GALNT9: variants seen among roughly 807,000 people sequenced by gnomAD.
The protein encoded by GALNT9 is GalNAc transferase 9.
Under a neutral mutation model 63.1 loss-of-function variants are expected in GALNT9, and 47 were observed. The observed-to-expected ratio is 0.75, with a 90% CI of 0.59 to 0.95. GALNT9 has a LOEUF of 0.95. Among genes scored for constraint, GALNT9 ranks in the 40% least tolerant of loss-of-function variants. The pLI, the probability that GALNT9 is intolerant of heterozygous loss-of-function variation, is 0.00. For synonymous variants in GALNT9, 396 were observed against 365.7 expected (o/e 1.08, Z -0.94); for missense variants, 829 against 874.8 (o/e 0.95, Z 0.66).
rs185669627 is a variant in GALNT9 at position 132,313,060 on chromosome 12, C to T, written c.238+15906G>A. On this transcript the variant is annotated intron_variant, in intron 1 of 10. Coordinates refer to ENST00000328957, the MANE Select transcript of GALNT9 (RefSeq NM_001122636.2). ...TATTCACCCTCCACTCATCTACCCA[C>T]CCATCCATCCACCCACTCACCCACC... Among the ~76,000 whole-genome samples the T allele has an allele frequency of 1.2e-3, 189 of 152,004 alleles. 1 individual carries two copies. The highest frequency in any genetic ancestry group is 5.8e-4 in the East Asian group (3 of 5,162).
rs1159768689 is a variant in GALNT9, at chr12:132,252,329, C to G, written c.960-4302G>C. 6.6e-6 allele frequency among the ~76,000 whole-genome samples: 1 copy of G among 152,254 alleles called. No homozygotes were observed. The highest frequency in any genetic ancestry group is 1.5e-5 in the Non-Finnish European group (1 of 68,042). ...AGCCGCATCCCCGCCACGACTGAAG[C>G]CTTCGTGTCTTGCGGACGCCGACAC... On this transcript the variant is annotated intron_variant, in intron 5 of 10. Coordinates refer to ENST00000328957, the MANE Select transcript of GALNT9 (RefSeq NM_001122636.2). This position sits in a 1 kb window ranked among gnomAD's most constrained non-coding sequence, Gnocchi z 5.2.
intron 10 of GALNT9, 118 bp downstream of exon 10, chr12:132,197,674 A>T: frequency 1.3e-6 from 1 of 769,030 alleles, no homozygotes; most frequent in Non-Finnish European, 2.1e-6. Flanking sequence ...TCCCCTGACC[A>T]CCCCCTGCCG....
At chr12:132,235,385 T>G (rs1433344724) in intron 6 of GALNT9, among the ~76,000 whole-genome samples, 1 of 152,086 alleles carries the variant, frequency 6.6e-6, no homozygotes, top group Non-Finnish European at 1.5e-5. Flanking sequence ...GAGCCAAGAT[T>G]TGAACCCAGG....
chr12:132,271,672 T>C (rs761699150), intron 2 of GALNT9, among the ~76,000 whole-genome samples: 14 of 152,198 alleles, frequency 9.2e-5, no homozygotes, highest in Admixed American at 3.9e-4. Flanking sequence ...CTTGCCGTGA[T>C]GCTCCGGCAT....
chr12:132,268,704 A>T (rs181913836), intron 2 of GALNT9, among the ~76,000 whole-genome samples: 1 of 152,214 alleles, frequency 6.6e-6, no homozygotes, highest in Non-Finnish European at 1.5e-5. Context: ...AAAATGTCCA[A>T]TGAAAACTGG....
At chr12:132,267,081 GGTGGCAT>G (rs1487257750) in intron 2 of GALNT9, among the ~76,000 whole-genome samples, 1 of 152,222 alleles carries the variant, frequency 6.6e-6, no homozygotes. Context: ...GCAGTGAGGA[GGTGGCAT>G]GTGGGCGCAG....
chr12:132,255,860 T>G (rs28517330), intron 5 of GALNT9, among the ~76,000 whole-genome samples: 144,837 of 152,198 alleles, frequency 0.95, 69,015 homozygotes, highest in Non-Finnish European at 0.97. Context: ...CTTTGCGATC[T>G]TCACGCTGGG....
At chr12:132,240,868 C>T (rs2136899864) in intron 6 of GALNT9, 13 of 381,838 alleles carry the variant, frequency 3.4e-5, no homozygotes, top group Middle Eastern at 7.8e-4. Flanking sequence ...TTCCCAGGGC[C>T]GTCCCTATAC....
chr12:132,287,002 C>T (rs539898450), intron 1 of GALNT9, among the ~76,000 whole-genome samples: 1 of 147,096 alleles, frequency 6.8e-6, no homozygotes, highest in Non-Finnish European at 1.5e-5. Flanking sequence ...CTGCACTGGC[C>T]AATACTTGTT....
chr12:132,251,210 A>G (rs1555238534), intron 5 of GALNT9, among the ~76,000 whole-genome samples: 2 of 152,216 alleles, frequency 1.3e-5, no homozygotes, highest in African/African-American at 4.8e-5. Flanking sequence ...CATTCATTTG[A>G]TTTTATGAAT....
chr12:132,204,529 G>A (rs984987947), intron 6 of GALNT9, among the ~76,000 whole-genome samples: 6 of 152,150 alleles, frequency 3.9e-5, no homozygotes, highest in Non-Finnish European at 5.9e-5. Context: ...GGGCTGGGAC[G>A]TGGGTCCTCC....
intron 8 of GALNT9, chr12:132,200,772 G>A: frequency 3.8e-6 from 1 of 261,124 alleles, no homozygotes; most frequent in Non-Finnish European, 7.2e-6. Context: ...GAGAGCGTAG[G>A]TACATTGAAT....
Position 132,262,495 on chromosome 12 carries a change from TGAG to T in GALNT9, c.547_549del (p.Leu183del). 1.9e-6 allele frequency: 3 copies of T among 1,551,082 alleles called. No homozygotes were observed. Among genetic ancestry groups the T allele is most frequent in the Non-Finnish European group, 2.6e-6 (3 of 1,146,836 alleles). On this transcript the variant is annotated inframe_deletion, in exon 3 of 11. Coordinates refer to ENST00000328957, the MANE Select transcript of GALNT9 (RefSeq NM_001122636.2). The stretch of plus-strand genomic sequence containing the variant: ...TTGTCGTCCACCAGGATGACCTCCT[TGAG>T]GAGCTGGGAGGGCGTGTGGTTGACC...
At chr12:132,240,746 C>G (rs1412382011) in intron 6 of GALNT9, 1 of 455,582 alleles carries the variant, frequency 2.2e-6, no homozygotes, top group Non-Finnish European at 4.4e-6. Flanking sequence ...GTTACCAGAA[C>G]CTGATCACCA....
chr12:132,268,847 G>T (rs1023858531), intron 2 of GALNT9, among the ~76,000 whole-genome samples: 2 of 152,208 alleles, frequency 1.3e-5, no homozygotes, highest in Non-Finnish European at 2.9e-5. Context: ...TCTGGCTACC[G>T]GAAAGGCTGA....
At position 132,279,408 on chromosome 12, in the gene GALNT9, G is replaced by C. The variant is rs1174171971; in HGVS notation, c.419+6842C>G. ...AGACTTGGAGCGTGAGGACAGAGCT[G>C]GGCCGGTTCCTCCCTGGGATCTCCC... On this transcript the variant is annotated intron_variant, in intron 2 of 10. Transcript: ENST00000328957. This position sits in a 1 kb window ranked among gnomAD's most constrained non-coding sequence, Gnocchi z 4.1. 1.3e-5 allele frequency: 2 copies of C among 152,392 alleles called. No homozygotes were observed. Among genetic ancestry groups the C allele is most frequent in the Non-Finnish European group, 1.5e-5 (1 of 68,222 alleles). The allele number at this position is 152,392 out of a possible 1,614,324, so 9.4% of individuals were successfully genotyped here.
chr12:132,270,774 A>G (rs1242652587), intron 2 of GALNT9, among the ~76,000 whole-genome samples: 5 of 152,126 alleles, frequency 3.3e-5, no homozygotes, highest in African/African-American at 1.2e-4. Context: ...TGTGGTCTTC[A>G]CTCTGGCTGG....
chr12:132,201,252 C>A lies in GALNT9; in HGVS notation c.1273G>T (p.Val425Leu), dbSNP rs951183937. ...AWNIPMSNPG[V>L]DFGDVSERLA... ...CTCTCAGACACGTCCCCGAAGTCCA[C>A]CCCTGGGTTCTGCAAGGCCAGAAGT... is the stretch of plus-strand genomic sequence containing the variant. Residue 425 changes from valine to leucine, a missense_variant, in exon 8 of 11, where the codon GTG becomes TTG. Val to Leu is a conservative substitution (Grantham distance 32). Coordinates refer to ENST00000328957, the MANE Select transcript of GALNT9 (RefSeq NM_001122636.2). 1 of 1,612,426 alleles carries A rather than the reference C, an allele frequency of 6.2e-7. No homozygotes were observed. Among genetic ancestry groups the A allele is most frequent in the Non-Finnish European group, 8.5e-7 (1 of 1,178,822 alleles).
intron 1 of GALNT9, among the ~76,000 whole-genome samples, chr12:132,298,733 A>G (rs1881171361): frequency 6.8e-6 from 1 of 147,912 alleles, no homozygotes; most frequent in Admixed American, 6.7e-5. Flanking sequence ...CACTCCCATG[A>G]TAACTAACCC....
Sources: allele counts gnomAD v4.1 joint callset (sites outside exome capture counted in the v4.1 genomes callset), GRCh38; gene constraint gnomAD v4.1.1; non-coding constraint Gnocchi (gnomAD v3.1); transcripts MANE v1.5; gene names NCBI Gene and HGNC (gene_info 2026-07-23, HGNC 2026-07-21).